Variants in RRBP1 observed in about 807,000 individuals in gnomAD.
RRBP1 encodes the protein ribosome-binding protein 1.
RRBP1 carries 94 observed loss-of-function variants against 165.2 expected under a neutral mutation model. The ratio of observed to expected loss-of-function variants is 0.57; its 90% CI spans 0.48 to 0.68. The LOEUF (loss-of-function observed/expected upper bound fraction) is 0.68, where lower values mean the gene tolerates loss of function less well. Among genes scored for constraint, RRBP1 ranks in the 30% least tolerant of loss-of-function variants. The probability of loss-of-function intolerance (pLI) is 0.00; values close to 1 mark genes in which losing one functional copy is unlikely to be tolerated. For missense variants in RRBP1, 1,676 were observed against 1,763.0 expected, an observed-to-expected ratio of 0.95 and a Z score of 0.88; for synonymous variants, 680 against 714.5, an observed-to-expected ratio of 0.95 and a Z score of 0.77.
intron 21 of RRBP1, 120 bp downstream of exon 21, chr20:17,616,611 TG>T (rs2035805361): frequency 1.5e-6 from 1 of 649,766 alleles, no homozygotes; most frequent in East Asian, 2.8e-5. Flanking sequence ...CAAAGCAGGG[TG>T]GGGTGGGGAA....
intron 20 of RRBP1, among the ~76,000 whole-genome samples, chr20:17,618,033 G>A (rs571576060): frequency 2.6e-4 from 40 of 151,144 alleles, no homozygotes; most frequent in African/African-American, 9.4e-4. Flanking sequence ...TGCACAGGCA[G>A]AGCTCCAGTG....
intron 2 of RRBP1, among the ~76,000 whole-genome samples, chr20:17,676,376 A>G (rs889606829): frequency 1.3e-5 from 2 of 152,196 alleles, no homozygotes; most frequent in African/African-American, 4.8e-5. Context: ...TTGTGGCCTG[A>G]AAGGTGGAGC....
chr20:17,665,287 A>T (rs1267192008), intron 2 of RRBP1, among the ~76,000 whole-genome samples: 1 of 152,238 alleles, frequency 6.6e-6, no homozygotes, highest in East Asian at 1.9e-4. Flanking sequence ...TTGCTGTGTA[A>T]GTGACATTGT....
At chr20:17,625,642 G>T (rs1248271761) in intron 11 of RRBP1, 40 bp from the exon 12 acceptor site, 6 of 1,555,126 alleles carry the variant, frequency 3.9e-6, no homozygotes, top group Admixed American at 1.7e-5. Context: ...GGCTCCAAGG[G>T]GCTACAGCCC....
chr20:17,679,502 G>A (rs1209492475), intron 2 of RRBP1, among the ~76,000 whole-genome samples: 1 of 152,166 alleles, frequency 6.6e-6, no homozygotes, highest in Non-Finnish European at 1.5e-5. Flanking sequence ...TCCTCTATGT[G>A]TCATTCATCT....
At chr20:17,642,687 C>G (rs1355627644) in intron 4 of RRBP1, among the ~76,000 whole-genome samples, 64 of 152,292 alleles carry the variant, frequency 4.2e-4, no homozygotes, top group Non-Finnish European at 1.8e-4. Context: ...CTATACCTTT[C>G]TTTCTGCACC....
At chr20:17,679,305 G>C (rs1600196102) in intron 2 of RRBP1, among the ~76,000 whole-genome samples, 1 of 152,224 alleles carries the variant, frequency 6.6e-6, no homozygotes, top group African/African-American at 2.4e-5. Flanking sequence ...CAGGTATGGG[G>C]GCGCTGTCCG....
At chr20:17,619,071 C>T (rs2035857515) in intron 19 of RRBP1, 2 of 196,870 alleles carry the variant, frequency 1.0e-5, no homozygotes, top group South Asian at 2.0e-4. Flanking sequence ...CGGAGGTGCC[C>T]ACCAGTGTGC....
intron 3 of RRBP1, among the ~76,000 whole-genome samples, chr20:17,655,186 T>C (rs2036625394): frequency 6.6e-6 from 1 of 152,198 alleles, no homozygotes; most frequent in Non-Finnish European, 1.5e-5. Flanking sequence ...TTCTGACTTT[T>C]ATTTTTTTCT....
At chr20:17,620,180 T>C in intron 18 of RRBP1, 119 bp downstream of exon 18, 1 of 748,932 alleles carries the variant, frequency 1.3e-6, no homozygotes, top group Admixed American at 2.0e-5. Context: ...TGAGAGAGAA[T>C]GCCTCTCTTA....
At chr20:17,646,663 A>C (rs1347091157) in intron 3 of RRBP1, among the ~76,000 whole-genome samples, 3 of 152,216 alleles carry the variant, frequency 2.0e-5, no homozygotes, top group Non-Finnish European at 4.4e-5. Flanking sequence ...ACAGCAGCTC[A>C]GATAACGCAC....
At chr20:17,670,368 T>TG (rs1469969809) in intron 2 of RRBP1, among the ~76,000 whole-genome samples, 4 of 151,796 alleles carry the variant, frequency 2.6e-5, no homozygotes, top group Non-Finnish European at 5.9e-5. Context: ...GTAACAAGGT[T>TG]GGCTGGCATC....
Position 17,616,787 on chromosome 20 carries a change from G to A in RRBP1, c.3812C>T (p.Ala1271Val), listed in dbSNP as rs1600722829. Residue 1271 changes from alanine (A) to valine (V), a missense_variant, in exon 21 of 25, where the codon GCT (alanine) becomes GTT (valine). By Grantham distance (64) the Ala-to-Val change is moderately conservative. This residue lies in a region of RRBP1 where 1,184 missense variants were observed against 1,167.1 expected (regional missense o/e 1.01). Coordinates refer to ENST00000377813, the MANE Select transcript of RRBP1 (RefSeq NM_001365613.2). ...MKSHVEDGDI[A>V]GAPASSPEAP... is the part of the protein sequence containing the mutation. ...CTCTGGGGAGGAAGCTGGGGCCCCA[G>A]CTATGTCACCATCCTCTACGTGGCT... 1 of 1,613,184 alleles carries A rather than the reference G, an allele frequency of 6.2e-7. No individual in the cohort carries two copies. The highest frequency in any genetic ancestry group is 2.2e-5 in the East Asian group (1 of 44,854).
Position 17,658,851 on chromosome 20 carries a change from C to T in RRBP1, c.1657G>A (p.Val553Ile). The stretch of plus-strand genomic sequence containing the variant: ...TCTACCTTTGTGCCCTGATTAGCAA[C>T]CGAATCTGCCTTTTTGCCCTGGATG... Reference protein sequence around the residue: ...APIQGKKADSVANQGTKVEGI... With the variant: ...APIQGKKADSIANQGTKVEGI... Residue 553 changes from valine to isoleucine, a missense_variant, in exon 3 of 25, where the codon GTT (valine) becomes ATT (isoleucine). This residue lies in a region of RRBP1 where 1,184 missense variants were observed against 1,167.1 expected (regional missense o/e 1.01). Coordinates refer to ENST00000377813, the MANE Select transcript of RRBP1 (RefSeq NM_001365613.2). The T allele has an allele frequency of 2.5e-6, 4 of 1,613,976 alleles. No homozygotes were observed. Among genetic ancestry groups the T allele is most frequent in the Non-Finnish European group, 3.4e-6 (4 of 1,179,896 alleles).
intron 12 of RRBP1, 55 bp from the exon 13 acceptor site, chr20:17,624,723 T>A (rs975367458): frequency 7.8e-7 from 1 of 1,281,722 alleles, no homozygotes; most frequent in Admixed American, 2.0e-5. Flanking sequence ...ACGGGCTGCC[T>A]AAGCTGGTGT....
chr20:17,633,519 G>A lies in RRBP1; in HGVS notation c.2551C>T (p.Gln851Ter). ...GCCTTGGCTTCCAGAGCTTTCCGCT[G>A]CTGCTCATCTTGCCGCACAGCCTCT... ...KSEAVRQDEQ[Q>*]RKALEAKAAA... The change falls in exon 8 of 25, where the codon CAG becomes TAG. Residue 851 changes from glutamine (Q) to a stop codon, truncating the protein, a stop_gained. Coordinates refer to ENST00000377813, the MANE Select transcript of RRBP1 (RefSeq NM_001365613.2). LOFTEE classifies it high-confidence loss of function. The A allele has an allele frequency of 6.2e-7, 1 of 1,614,050 alleles. No individual in the cohort carries two copies. The highest frequency in any genetic ancestry group is 8.5e-7 in the Non-Finnish European group (1 of 1,180,044).
At chr20:17,629,260 C>T (rs1343978655) in intron 9 of RRBP1, among the ~76,000 whole-genome samples, 12 of 152,212 alleles carry the variant, frequency 7.9e-5, no homozygotes, top group Non-Finnish European at 1.2e-4. Context: ...CCAAGGGCCA[C>T]GGGCCTCTCA....
At chr20:17,670,869 C>T (rs563212009) in intron 2 of RRBP1, among the ~76,000 whole-genome samples, 6 of 152,274 alleles carry the variant, frequency 3.9e-5, no homozygotes, top group African/African-American at 7.2e-5. Flanking sequence ...GGGTGTCTTA[C>T]GCATTCCGCA....
chr20:17,618,794 T>A, intron 19 of RRBP1, 115 bp from the exon 20 acceptor site: 1 of 772,594 alleles, frequency 1.3e-6, no homozygotes, highest in Non-Finnish European at 2.2e-6. Flanking sequence ...ACCAAAACCC[T>A]GAGGAGGGTC....
Sources: gnomAD v4.1 joint callset for allele counts (sites outside exome capture counted in the v4.1 genomes callset) on GRCh38, gnomAD v4.1.1 for gene constraint, gnomAD v4.1.1 regional missense constraint, MANE v1.5 for transcripts, NCBI Gene and HGNC (gene_info 2026-07-23, HGNC 2026-07-21) for gene names.